FAM13A: variants seen among roughly 807,000 people sequenced by gnomAD.
FAM13A encodes family with sequence similarity 13 member A, also known as protein FAM13A.
A neutral mutation model predicts 129.6 loss-of-function variants in FAM13A; 76 were observed. The ratio of observed to expected loss-of-function variants is 0.59; its 90% CI spans 0.49 to 0.71. The LOEUF (loss-of-function observed/expected upper bound fraction) is 0.71, where lower values mean the gene tolerates loss of function less well. Among genes scored for constraint, FAM13A ranks in the 30% least tolerant of loss-of-function variants. The probability of loss-of-function intolerance (pLI) is 0.00; values close to 1 mark genes in which losing one functional copy is unlikely to be tolerated. For synonymous variants in FAM13A, 443 were observed against 449.9 expected (o/e 0.98, Z 0.20); for missense variants, 1,108 against 1,249.3 (o/e 0.89, Z 1.70).
chr4:88,807,586 G>T (rs1728823151), intron 7 of FAM13A, among the ~76,000 whole-genome samples: 1 of 152,222 alleles, frequency 6.6e-6, no homozygotes, highest in South Asian at 2.1e-4. Context: ...AGTACAGCGA[G>T]ATGACTAGGT....
chr4:88,763,244 C>T (rs753641386), intron 13 of FAM13A, among the ~76,000 whole-genome samples: 2 of 151,928 alleles, frequency 1.3e-5, no homozygotes, highest in Non-Finnish European at 2.9e-5. Context: ...AACAATGCTA[C>T]TTCCATTTAT....
intron 7 of FAM13A, among the ~76,000 whole-genome samples, chr4:88,846,449 G>A (rs1047088835): frequency 1.3e-5 from 2 of 152,130 alleles, no homozygotes; most frequent in African/African-American, 2.4e-5. Context: ...ATCACCTTTC[G>A]TGAGAACCTG....
chr4:88,914,350 T>G (rs1483229852), intron 5 of FAM13A, among the ~76,000 whole-genome samples: 1 of 152,040 alleles, frequency 6.6e-6, no homozygotes, highest in Non-Finnish European at 1.5e-5. Flanking sequence ...AAAATCCAAA[T>G]TCCTTACCAT....
At chr4:88,926,279 A>G (rs1471298860) in intron 5 of FAM13A, among the ~76,000 whole-genome samples, 1 of 152,204 alleles carries the variant, frequency 6.6e-6, no homozygotes, top group African/African-American at 2.4e-5. Flanking sequence ...CCACAGAAGT[A>G]TAACTTTCAT....
At chr4:89,030,369 C>T (rs1425478337) in intron 1 of FAM13A, among the ~76,000 whole-genome samples, 1 of 151,740 alleles carries the variant, frequency 6.6e-6, no homozygotes, top group African/African-American at 2.4e-5. Flanking sequence ...TTGTTTCTTC[C>T]TTGTAATAAA....
chr4:88,829,807 T>A (rs1332241984), intron 7 of FAM13A, among the ~76,000 whole-genome samples: 2 of 152,154 alleles, frequency 1.3e-5, no homozygotes, highest in Non-Finnish European at 2.9e-5. Flanking sequence ...TTTTAACAGA[T>A]GTGGAAATGA....
intron 7 of FAM13A, among the ~76,000 whole-genome samples, chr4:88,817,359 T>G (rs1730960994): frequency 6.6e-6 from 1 of 152,060 alleles, no homozygotes. Flanking sequence ...GGTCAGGAGT[T>G]TGAGACTAGC....
At chr4:88,868,944 G>T (rs936612550) in intron 6 of FAM13A, among the ~76,000 whole-genome samples, 5 of 152,146 alleles carry the variant, frequency 3.3e-5, no homozygotes, top group African/African-American at 1.2e-4. Flanking sequence ...TCTCTTCTGA[G>T]TTCCAAATGT....
intron 4 of FAM13A, among the ~76,000 whole-genome samples, chr4:88,969,469 C>T (rs918996333): frequency 6.6e-6 from 1 of 152,136 alleles, no homozygotes; most frequent in African/African-American, 2.4e-5. Context: ...TAGACAGGTT[C>T]AGGTAGAAGG....
At chr4:88,823,047 C>A in intron 7 of FAM13A, 1 of 1,612,312 alleles carries the variant, frequency 6.2e-7, no homozygotes, top group Non-Finnish European at 8.5e-7. Context: ...ACTGTCTCTT[C>A]CACGGCAAGT....
At chr4:88,919,726 G>A (rs958750180) in intron 5 of FAM13A, among the ~76,000 whole-genome samples, 6 of 152,150 alleles carry the variant, frequency 3.9e-5, no homozygotes, top group East Asian at 1.9e-4. Flanking sequence ...CACCATGCGC[G>A]AGCTGAAGCA....
intron 6 of FAM13A, among the ~76,000 whole-genome samples, chr4:88,890,518 T>C (rs779359612): frequency 6.6e-6 from 1 of 151,998 alleles, no homozygotes; most frequent in African/African-American, 2.4e-5. Flanking sequence ...GCAAATACAC[T>C]CATGGAATTG....
intron 4 of FAM13A, among the ~76,000 whole-genome samples, chr4:88,972,854 T>C (rs566968245): frequency 1.3e-5 from 2 of 152,292 alleles, no homozygotes; most frequent in South Asian, 4.1e-4. Context: ...GTGATCCACC[T>C]GCCTTGACCT....
chr4:88,985,524 A>G (rs968660334), intron 4 of FAM13A, among the ~76,000 whole-genome samples: 8 of 152,316 alleles, frequency 5.3e-5, no homozygotes, highest in African/African-American at 1.9e-4. Flanking sequence ...GACCTATCAG[A>G]CTGGCAAGAC....
At chr4:88,815,758 A>C (rs1730597088) in intron 7 of FAM13A, among the ~76,000 whole-genome samples, 1 of 152,166 alleles carries the variant, frequency 6.6e-6, no homozygotes, top group Non-Finnish European at 1.5e-5. Context: ...TGTTTATTAT[A>C]ATCTGAAAAC....
At chr4:89,039,001 G>A (rs1158794996) in intron 1 of FAM13A, among the ~76,000 whole-genome samples, 1 of 152,130 alleles carries the variant, frequency 6.6e-6, no homozygotes, top group Non-Finnish European at 1.5e-5. Context: ...CTAATCATGA[G>A]AGTACTTCTC....
chr4:88,938,109 C>T lies in FAM13A; in HGVS notation c.738G>A (p.Leu246=). 1 of 1,613,376 alleles carries T rather than the reference C, an allele frequency of 6.2e-7. No individual in the cohort carries two copies. Among genetic ancestry groups the T allele is most frequent in the Non-Finnish European group, 8.5e-7 (1 of 1,179,534 alleles). ...TENDHLRCEN[L]ARLIIVKEVY... is the part of the protein sequence containing the mutation. The stretch of plus-strand genomic sequence containing the variant: ...TTACTTTTACTATGATAAGCCTAGC[C>T]AGGTTTTCACATCTCAGATGATCAT... Residue 246 remains leucine, a synonymous_variant, in exon 5 of 24, where the codon CTG becomes CTA. Transcript: ENST00000264344.
At chr4:89,017,497 C>T (rs1484119002) in intron 3 of FAM13A, among the ~76,000 whole-genome samples, 1 of 151,866 alleles carries the variant, frequency 6.6e-6, no homozygotes, top group Non-Finnish European at 1.5e-5. Context: ...TAAAACAGTA[C>T]ATACTCATAT....
intron 3 of FAM13A, among the ~76,000 whole-genome samples, chr4:89,000,274 C>A (rs1434298738): frequency 6.6e-6 from 1 of 152,056 alleles, no homozygotes; most frequent in East Asian, 1.9e-4. Context: ...ATGGAAATAA[C>A]CCAAATTTCC....
Sources: gnomAD v4.1 joint callset for allele counts (sites outside exome capture counted in the v4.1 genomes callset) on GRCh38, gnomAD v4.1.1 for gene constraint, MANE v1.5 for transcripts, NCBI Gene and HGNC (gene_info 2026-07-23, HGNC 2026-07-21) for gene names.